Variants in UBE2G1 observed in about 807,000 individuals in gnomAD.
UBE2G1 encodes ubiquitin conjugating enzyme E2 G1.
Under a neutral mutation model 22.7 loss-of-function variants are expected in UBE2G1, and 5 were observed. The observed-to-expected ratio is 0.22, with a 90% confidence interval of 0.12 to 0.46. The LOEUF is 0.46. Among genes scored for constraint, UBE2G1 ranks in the 20% least tolerant of loss-of-function variants. The pLI is 0.99. For synonymous variants in UBE2G1, 74 were observed against 67.5 expected, an observed-to-expected ratio of 1.10 and a Z score of -0.47; for missense variants, 88 against 203.9, an observed-to-expected ratio of 0.43 and a Z score of 3.46.
chr17:4,354,536 C>A (rs1303204203), intron 1 of UBE2G1, among the ~76,000 whole-genome samples: 3 of 152,116 alleles, frequency 2.0e-5, no homozygotes, highest in Non-Finnish European at 4.4e-5. Flanking sequence ...AAAATAAACT[C>A]TGAGAAGGCT....
intron 1 of UBE2G1, among the ~76,000 whole-genome samples, chr17:4,360,444 GCAAT>G (rs1373758520): frequency 6.6e-6 from 1 of 152,078 alleles, no homozygotes; most frequent in Non-Finnish European, 1.5e-5. Context: ...TCTTGACAGT[GCAAT>G]CAAACATTCT....
chr17:4,320,855 C>G (rs983021522), intron 1 of UBE2G1, among the ~76,000 whole-genome samples: 6 of 152,010 alleles, frequency 3.9e-5, no homozygotes, highest in African/African-American at 1.4e-4. Context: ...TTCCCACCAC[C>G]ATACCTCTTT....
chr17:4,321,489 T>C (rs1969437512), intron 1 of UBE2G1, among the ~76,000 whole-genome samples: 1 of 152,148 alleles, frequency 6.6e-6, no homozygotes, highest in Non-Finnish European at 1.5e-5. Flanking sequence ...TTTTAAGCAT[T>C]GTGGCCTTCT....
chr17:4,320,486 A>G (rs1020313030), intron 1 of UBE2G1, among the ~76,000 whole-genome samples: 27 of 152,342 alleles, frequency 1.8e-4, no homozygotes, highest in African/African-American at 5.3e-4. Flanking sequence ...TGGCACATCT[A>G]TTACAACCTC....
chr17:4,274,784 G>T (rs1304290872), intron 5 of UBE2G1, among the ~76,000 whole-genome samples: 1 of 152,138 alleles, frequency 6.6e-6, no homozygotes, highest in African/African-American at 2.4e-5. Flanking sequence ...CAGGCACAGT[G>T]GCTCCTGCCT....
At chr17:4,321,344 C>T (rs66679234) in intron 1 of UBE2G1, among the ~76,000 whole-genome samples, 64,651 of 130,066 alleles carry the variant, frequency 0.5, 15,822 homozygotes, top group African/African-American at 0.7. Flanking sequence ...ACACTGGGTA[C>T]TTTTACTGCT....
chr17:4,347,803 T>C (rs1308466202), intron 1 of UBE2G1, among the ~76,000 whole-genome samples: 6 of 152,050 alleles, frequency 3.9e-5, no homozygotes. Flanking sequence ...CTATATTTGT[T>C]ATGGTGATCT....
chr17:4,356,654 G>T (rs1404386429), intron 1 of UBE2G1, among the ~76,000 whole-genome samples: 3 of 152,166 alleles, frequency 2.0e-5, no homozygotes, highest in Non-Finnish European at 4.4e-5. Flanking sequence ...GATTGCTTGA[G>T]TCCAGGAGTT....
At chr17:4,291,794 CAT>C (rs965915632) in intron 3 of UBE2G1, among the ~76,000 whole-genome samples, 1 of 152,118 alleles carries the variant, frequency 6.6e-6, no homozygotes, top group Non-Finnish European at 1.5e-5. Flanking sequence ...GTTTAAATTT[CAT>C]ATATAACATC....
chr17:4,303,634 T>A (rs1041214149), intron 2 of UBE2G1, among the ~76,000 whole-genome samples: 2 of 152,180 alleles, frequency 1.3e-5, no homozygotes, highest in Non-Finnish European at 2.9e-5. Context: ...TTCCAAGCAA[T>A]GTAGGCACTA....
chr17:4,341,946 T>C (rs921383803), intron 1 of UBE2G1, among the ~76,000 whole-genome samples: 1 of 152,222 alleles, frequency 6.6e-6, no homozygotes, highest in African/African-American at 2.4e-5. Flanking sequence ...TCTGGTTACT[T>C]ATCTGGCTTC....
intron 5 of UBE2G1, among the ~76,000 whole-genome samples, chr17:4,279,317 T>C (rs1395270616): frequency 6.7e-5 from 10 of 150,110 alleles, no homozygotes; most frequent in African/African-American, 2.2e-4. Flanking sequence ...CAACACGTAC[T>C]GGCTGATGTG....
At chr17:4,338,232 CA>C (rs1228026959) in intron 1 of UBE2G1, among the ~76,000 whole-genome samples, 1 of 147,834 alleles carries the variant, frequency 6.8e-6, no homozygotes, top group Non-Finnish European at 1.5e-5. Context: ...AAAAAACAGA[CA>C]AACTATTAGC....
At chr17:4,308,308 G>A (rs4790609) in intron 1 of UBE2G1, among the ~76,000 whole-genome samples, 81,578 of 151,950 alleles carry the variant, frequency 0.54, 24,917 homozygotes, top group East Asian at 0.8. Context: ...AGCCAAGATC[G>A]CGCCATTGCA....
In UBE2G1 at chr17:4,344,316, G is replaced by A. The variant is rs150323120; in HGVS notation, c.46+21955C>T. On this transcript the variant is annotated intron_variant, in intron 1 of 5. Coordinates refer to ENST00000396981, the MANE Select transcript of UBE2G1 (RefSeq NM_003342.5). The stretch of plus-strand genomic sequence containing the variant: ...AGCACTTTGGGAGGCCGAGGCAGGC[G>A]GATCACGAGGTCAGGACATTGAAAC... 9.6e-3 allele frequency among the ~76,000 whole-genome samples: 1,462 copies of A among 152,182 alleles called. 41 individuals carry two copies. Among genetic ancestry groups the A allele is most frequent in the Admixed American group, 0.058 (880 of 15,284 alleles).
intron 4 of UBE2G1, among the ~76,000 whole-genome samples, chr17:4,286,821 CAT>C (rs1211994473): frequency 1.3e-5 from 2 of 152,106 alleles, no homozygotes; most frequent in African/African-American, 4.8e-5. Flanking sequence ...GCGGGCAGAT[CAT>C]TTGAGGTCAG....
At chr17:4,284,834 CTTTCTTTTT>C (rs565460418) in intron 4 of UBE2G1, among the ~76,000 whole-genome samples, 26,974 of 82,466 alleles carry the variant, frequency 0.33, 6,185 homozygotes, top group East Asian at 0.59. Context: ...CTTTTCTTTT[CTTTCTTTTT>C]TTTTTTTTTT....
At chr17:4,352,787 G>T (rs1353292551) in intron 1 of UBE2G1, among the ~76,000 whole-genome samples, 2 of 151,994 alleles carry the variant, frequency 1.3e-5, no homozygotes, top group African/African-American at 2.4e-5. Flanking sequence ...AAAATATTTT[G>T]TATGAGGCCG....
chr17:4,340,967 G>A (rs1598200476), intron 1 of UBE2G1, among the ~76,000 whole-genome samples: 1 of 128,194 alleles, frequency 7.8e-6, no homozygotes, highest in African/African-American at 3.1e-5. Context: ...TTTCTGATTA[G>A]AACTATGAAA....
Sources: gnomAD v4.1 joint callset for allele counts (sites outside exome capture counted in the v4.1 genomes callset) on GRCh38, gnomAD v4.1.1 for gene constraint, MANE v1.5 for transcripts, NCBI Gene and HGNC (gene_info 2026-07-23, HGNC 2026-07-21) for gene names.